SLC26A7: variants seen among roughly 807,000 people sequenced by gnomAD.
SLC26A7 encodes the protein anion exchange transporter.
A neutral mutation model predicts 82.5 loss-of-function variants in SLC26A7; 59 were observed. That is an observed-to-expected ratio of 0.72 (90% CI 0.58 to 0.89). SLC26A7 has a LOEUF of 0.89. Among genes scored for constraint, SLC26A7 ranks in the 40% least tolerant of loss-of-function variants. SLC26A7 has a pLI of 0.00. For synonymous variants in SLC26A7, 271 were observed against 274.3 expected (o/e 0.99, Z 0.12); for missense variants, 820 against 793.0 (o/e 1.03, Z -0.41).
At chr8:91,286,621 C>T (rs903812521) in intron 2 of SLC26A7, among the ~76,000 whole-genome samples, 1 of 151,960 alleles carries the variant, frequency 6.6e-6, no homozygotes, top group East Asian at 1.9e-4. Flanking sequence ...AATATTTTTC[C>T]CCGAAATAGT....
At chr8:91,233,849 C>A (rs902695431) in intron 2 of SLC26A7, among the ~76,000 whole-genome samples, 5 of 152,158 alleles carry the variant, frequency 3.3e-5, no homozygotes, top group Non-Finnish European at 5.9e-5. Context: ...TATAGACATG[C>A]TATTTTTAGA....
At chr8:91,224,549 G>T (rs2130666949) in intron 2 of SLC26A7, among the ~76,000 whole-genome samples, 1 of 152,320 alleles carries the variant, frequency 6.6e-6, no homozygotes, top group South Asian at 2.1e-4. Flanking sequence ...CAGCAAAGAT[G>T]GGTGTCTCCT....
intron 11 of SLC26A7, among the ~76,000 whole-genome samples, chr8:91,358,329 C>CTTT (rs71273702): frequency 3.7e-5 from 5 of 133,350 alleles, no homozygotes; most frequent in African/African-American, 8.4e-5. Context: ...TTTTCTTTTT[C>CTTT]TTTTTTTTTT....
chr8:91,378,962 TAA>T (rs1465547461), intron 15 of SLC26A7, among the ~76,000 whole-genome samples: 1 of 152,030 alleles, frequency 6.6e-6, no homozygotes, highest in East Asian at 1.9e-4. Flanking sequence ...AATAAGAAGT[TAA>T]AAGTTTCCTG....
chr8:91,227,461 A>G (rs571455829), intron 2 of SLC26A7, among the ~76,000 whole-genome samples: 23 of 152,328 alleles, frequency 1.5e-4, no homozygotes, highest in African/African-American at 5.5e-4. Context: ...AATTCTATTT[A>G]TGTCCTCAGT....
intron 13 of SLC26A7, among the ~76,000 whole-genome samples, chr8:91,364,605 C>T (rs1005106741): frequency 6.6e-6 from 1 of 152,138 alleles, no homozygotes; most frequent in Admixed American, 6.6e-5. Flanking sequence ...CCTGAAGTCC[C>T]CTGTGTATCC....
chr8:91,246,657 G>GC (rs1810548129), upstream of SLC26A7, among the ~76,000 whole-genome samples: 1 of 151,366 alleles, frequency 6.6e-6, no homozygotes. Flanking sequence ...TGGAGATTGT[G>GC]CCATCGCACT....
At chr8:91,278,038 C>A (rs1054193527) in intron 2 of SLC26A7, among the ~76,000 whole-genome samples, 9 of 152,176 alleles carry the variant, frequency 5.9e-5, no homozygotes, top group Admixed American at 3.3e-4. Context: ...ATGCCCCCTG[C>A]AAAGCTATCA....
intron 8 of SLC26A7, 113 bp from the exon 9 acceptor site, chr8:91,343,240 G>A: frequency 1.5e-6 from 1 of 655,596 alleles, no homozygotes; most frequent in South Asian, 2.0e-5. Flanking sequence ...CCCAACTGGT[G>A]GGGAGAACAA....
upstream of SLC26A7, among the ~76,000 whole-genome samples, chr8:91,244,678 A>AATT (rs1182769155): frequency 2.1e-3 from 318 of 150,182 alleles, no homozygotes; most frequent in African/African-American, 6.7e-3. Context: ...TAAATTTTTC[A>AATT]ATTATTATTA....
intron 5 of SLC26A7, among the ~76,000 whole-genome samples, chr8:91,332,466 A>G (rs527265503): frequency 1.6e-5 from 2 of 127,598 alleles, no homozygotes; most frequent in South Asian, 4.4e-4. Flanking sequence ...TATAAATTAA[A>G]TATATATTCT....
rs554513596 is a variant in SLC26A7 at position 91,375,519 on chromosome 8, AT to A, written c.1675+5696del. On this transcript the variant is annotated intron_variant, in intron 15 of 18. Transcript: ENST00000276609. ...ATAGAATATAAAATTCTTGGCTGGC[AT>A]TTTTTTTTTCTTCAAGAAGGCTAAA... Among the ~76,000 whole-genome samples, 215 of 145,912 alleles carry A rather than the reference AT, an allele frequency of 1.5e-3. 2 individuals carry two copies. The highest frequency in any genetic ancestry group is 4.7e-3 in the African/African-American group (189 of 39,992).
At chr8:91,312,537 T>C (rs926026864) in intron 4 of SLC26A7, among the ~76,000 whole-genome samples, 36 of 152,154 alleles carry the variant, frequency 2.4e-4, no homozygotes, top group African/African-American at 8.4e-4. Context: ...CACTGCTTTT[T>C]GTAGTGGCTA....
chr8:91,389,360 T>C lies in SLC26A7; in HGVS notation c.1698T>C (p.Pro566=), dbSNP rs1437814330. ...CAGAAGAAGCTTCACAGTCCTGCCC[T>C]AATGAGAAGTGTTATTTAATCCTGG... is the stretch of plus-strand genomic sequence containing the variant. ...NCNEEASQSC[P]NEKCYLILDC... The change falls in exon 16 of 19, where the codon CCT becomes CCC. Residue 566 remains proline (P), a synonymous_variant. Coordinates refer to ENST00000276609, the MANE Select transcript of SLC26A7 (RefSeq NM_052832.4). 1 of 1,613,996 alleles carries C rather than the reference T, an allele frequency of 6.2e-7. No homozygotes were observed. The highest frequency in any genetic ancestry group is 1.7e-5 in the Admixed American group (1 of 60,012).
chr8:91,327,867 A>G (rs1347864581), intron 5 of SLC26A7, among the ~76,000 whole-genome samples: 5 of 152,248 alleles, frequency 3.3e-5, no homozygotes, highest in African/African-American at 1.2e-4. Flanking sequence ...AGAAATATTT[A>G]TTCAAATAAT....
At chr8:91,269,038 C>T (rs1485084948) in intron 2 of SLC26A7, among the ~76,000 whole-genome samples, 2 of 151,276 alleles carry the variant, frequency 1.3e-5, no homozygotes, top group Non-Finnish European at 3.0e-5. Flanking sequence ...TTATGTTGCC[C>T]ATTTCTTAAC....
At chr8:91,252,575 C>A (rs1217262633) in intron 2 of SLC26A7, among the ~76,000 whole-genome samples, 1 of 152,090 alleles carries the variant, frequency 6.6e-6, no homozygotes, top group African/African-American at 2.4e-5. Context: ...CCACCAAACA[C>A]TGGTGTCCTG....
chr8:91,253,127 AC>A (rs1810705079), intron 2 of SLC26A7, among the ~76,000 whole-genome samples: 1 of 152,158 alleles, frequency 6.6e-6, no homozygotes, highest in African/African-American at 2.4e-5. Flanking sequence ...TTGTAAGAAC[AC>A]TTGACATATA....
intron 11 of SLC26A7, among the ~76,000 whole-genome samples, chr8:91,358,599 G>C (rs967110107): frequency 6.6e-6 from 1 of 152,022 alleles, no homozygotes; most frequent in African/African-American, 2.4e-5. Flanking sequence ...CAAAGTGCTG[G>C]AATTACAGGT....
Sources: gnomAD v4.1 joint callset for allele counts (sites outside exome capture counted in the v4.1 genomes callset) on GRCh38, gnomAD v4.1.1 for gene constraint, MANE v1.5 for transcripts, NCBI Gene and HGNC (gene_info 2026-07-23, HGNC 2026-07-21) for gene names.